Variants in EDARADD observed in about 807,000 individuals in gnomAD.
EDARADD encodes the protein ectodysplasin-A receptor-associated adapter protein.
In EDARADD, 20 loss-of-function variants were observed where a neutral mutation model predicts 25.6. The ratio of observed to expected loss-of-function variants is 0.78; its 90% confidence interval spans 0.55 to 1.14. The LOEUF is 1.14. Ranked by LOEUF, EDARADD falls within the 50% of genes most tolerant of loss-of-function variation. The pLI, the probability that EDARADD is intolerant of heterozygous loss-of-function variation, is 0.00. For synonymous variants in EDARADD, 86 were observed against 94.4 expected (o/e 0.91, Z 0.52); for missense variants, 225 against 270.1 (o/e 0.83, Z 1.17).
intron 3 of EDARADD, among the ~76,000 whole-genome samples, chr1:236,380,001 G>A (rs1667279800): frequency 6.6e-6 from 1 of 152,148 alleles, no homozygotes; most frequent in African/African-American, 2.4e-5. Flanking sequence ...TAACACAACA[G>A]CAGTGCTGGT....
At chr1:236,401,081 G>T (rs1037445500) in intron 1 of EDARADD, among the ~76,000 whole-genome samples, 1 of 152,006 alleles carries the variant, frequency 6.6e-6, no homozygotes, top group South Asian at 2.1e-4. Context: ...AGCTATATGG[G>T]AGGCTGAGGT....
intron 4 of EDARADD, among the ~76,000 whole-genome samples, chr1:236,456,250 T>C (rs893941834): frequency 9.9e-5 from 15 of 152,160 alleles, no homozygotes; most frequent in African/African-American, 3.4e-4. Flanking sequence ...GGCCTCACAC[T>C]CCTCCATCTC....
intron 5 of EDARADD, among the ~76,000 whole-genome samples, chr1:236,479,898 A>C (rs1400467229): frequency 8.1e-6 from 1 of 124,134 alleles, no homozygotes; most frequent in Non-Finnish European, 1.7e-5. Context: ...AAATTTAAAA[A>C]TTGACTGAGT....
chr1:236,455,853 G>C lies in EDARADD; in HGVS notation c.220-12378G>C, dbSNP rs914398782. Among the ~76,000 whole-genome samples the C allele has an allele frequency of 2.3e-4, 35 of 152,178 alleles. 1 individual carries two copies. The highest frequency in any genetic ancestry group is 8.4e-4 in the African/African-American group (35 of 41,446). The stretch of plus-strand genomic sequence containing the variant: ...CACCCAGGCTGGAGAGCAGTTGCGC[G>C]ATCTTTGCTCACTGCAACCTCTGCC... On this transcript the variant is annotated intron_variant, in intron 4 of 5. Coordinates refer to ENST00000334232, the MANE Select transcript of EDARADD (RefSeq NM_145861.4).
intron 3 of EDARADD, among the ~76,000 whole-genome samples, chr1:236,419,930 C>T (rs543458048): frequency 1.7e-4 from 26 of 152,194 alleles, no homozygotes; most frequent in Admixed American, 4.6e-4. Context: ...GTAATCCCAG[C>T]ATTTTGGGAG....
chr1:236,369,318 C>A (rs901405528), intron 3 of EDARADD, among the ~76,000 whole-genome samples: 1 of 152,174 alleles, frequency 6.6e-6, no homozygotes, highest in Non-Finnish European at 1.5e-5. Flanking sequence ...GATATTGAGT[C>A]TCCTTGCCCA....
chr1:236,425,112 G>A (rs948863713), intron 3 of EDARADD, among the ~76,000 whole-genome samples: 2 of 152,178 alleles, frequency 1.3e-5, no homozygotes, highest in African/African-American at 4.8e-5. Flanking sequence ...ATCCAGCCAG[G>A]TGGTTTTGTC....
chr1:236,361,879 C>T (rs12074570), intron 3 of EDARADD, among the ~76,000 whole-genome samples: 2 of 151,614 alleles, frequency 1.3e-5, no homozygotes, highest in African/African-American at 4.9e-5. Context: ...TCCGTGTATA[C>T]GTTTTTGTAT....
intron 1 of EDARADD, among the ~76,000 whole-genome samples, chr1:236,400,042 G>C (rs1402591997): frequency 6.6e-6 from 1 of 152,234 alleles, no homozygotes; most frequent in Non-Finnish European, 1.5e-5. Flanking sequence ...TATGTGCAAA[G>C]CTGGACCAGC....
chr1:236,362,143 A>G (rs1479985552), intron 3 of EDARADD, among the ~76,000 whole-genome samples: 3 of 152,048 alleles, frequency 2.0e-5, no homozygotes. Flanking sequence ...TGCTACAATC[A>G]TAGTTCACTG....
At chr1:236,403,356 C>G (rs1054080837) in intron 1 of EDARADD, among the ~76,000 whole-genome samples, 1 of 152,096 alleles carries the variant, frequency 6.6e-6, no homozygotes, top group African/African-American at 2.4e-5. Flanking sequence ...GGCGTGATCT[C>G]GACTCACTGC....
chr1:236,405,519 C>T lies in EDARADD; in HGVS notation c.62-3697C>T, dbSNP rs574109159. ...AAGAGCCCGAGGCTTAGAAAGCTTA[C>T]GTGACTTCTCCAAGGTCACACCTCT... On this transcript the variant is annotated intron_variant, in intron 1 of 5. Coordinates refer to ENST00000334232, the MANE Select transcript of EDARADD (RefSeq NM_145861.4). Among the ~76,000 whole-genome samples, 5 of 152,298 alleles carry T rather than the reference C, an allele frequency of 3.3e-5. No homozygotes were observed. The East Asian group carries it at 7.7e-4, about 24-fold the overall frequency.
intron 4 of EDARADD, among the ~76,000 whole-genome samples, chr1:236,452,159 C>G (rs2103027503): frequency 6.6e-6 from 1 of 152,328 alleles, no homozygotes; most frequent in South Asian, 2.1e-4. Flanking sequence ...TGGTCCCCGC[C>G]CCTGCTGATA....
chr1:236,369,186 C>T (rs894582796), intron 3 of EDARADD, among the ~76,000 whole-genome samples: 1 of 152,150 alleles, frequency 6.6e-6, no homozygotes, highest in Non-Finnish European at 1.5e-5. Flanking sequence ...TCTACTAGGT[C>T]TTTTGACCCT....
chr1:236,475,568 G>A (rs1012393625), intron 5 of EDARADD, among the ~76,000 whole-genome samples: 1 of 152,058 alleles, frequency 6.6e-6, no homozygotes. Flanking sequence ...TTTGAGATCA[G>A]CCTGGCCAAC....
chr1:236,400,720 A>ATTTTTTTTTTTTTTTTTTTT (rs55864840), intron 1 of EDARADD, among the ~76,000 whole-genome samples: 3 of 121,180 alleles, frequency 2.5e-5, no homozygotes, highest in Non-Finnish European at 3.3e-5. Context: ...ACACCCGGCT[A>ATTTTTTTTTTTTTTTTTTTT]TTTTTTTTTT....
chr1:236,444,786 C>T (rs1658489202), intron 4 of EDARADD, among the ~76,000 whole-genome samples: 1 of 152,210 alleles, frequency 6.6e-6, no homozygotes, highest in African/African-American at 2.4e-5. Flanking sequence ...GGGCAGTGCA[C>T]TCTAAGCTGA....
Position 236,482,730 on chromosome 1 carries a change from T to C in EDARADD, c.*81T>C. The C allele has an allele frequency of 1.3e-6, 2 of 1,595,590 alleles. No individual in the cohort carries two copies. The highest frequency in any genetic ancestry group is 1.7e-6 in the Non-Finnish European group (2 of 1,175,760). ...GAAGGAATGTGAATCTGTTGTTTTA[T>C]AAGAGTTTAGGACAAGGACGTGGAA... On this transcript the variant is annotated 3_prime_UTR_variant, in exon 6 of 6. Transcript: ENST00000334232.
At chr1:236,425,232 G>C (rs955257756) in intron 3 of EDARADD, among the ~76,000 whole-genome samples, 1 of 152,224 alleles carries the variant, frequency 6.6e-6, no homozygotes, top group East Asian at 1.9e-4. Flanking sequence ...GCTCTGTGCC[G>C]AGAGAGCAGT....
Sources: gnomAD v4.1 joint callset for allele counts (sites outside exome capture counted in the v4.1 genomes callset) on GRCh38, gnomAD v4.1.1 for gene constraint, MANE v1.5 for transcripts, NCBI Gene and HGNC (gene_info 2026-07-23, HGNC 2026-07-21) for gene names.